The following EFCAB11 variants were observed in gnomAD, a reference collection of about 807,000 sequenced individuals.
EFCAB11 encodes the protein EF-hand calcium binding domain 11.
A neutral mutation model predicts 23.0 loss-of-function variants in EFCAB11; 14 were observed. The observed-to-expected ratio is 0.61, with a 90% CI of 0.40 to 0.95. The LOEUF (loss-of-function observed/expected upper bound fraction) is 0.95, where lower values mean the gene tolerates loss of function less well. Ranked by LOEUF, EFCAB11 falls within the 40% of genes least tolerant of loss-of-function variation. The pLI is 0.00. For synonymous variants in EFCAB11, 65 were observed against 66.6 expected, an observed-to-expected ratio of 0.98 and a Z score of 0.11; for missense variants, 198 against 195.8, an observed-to-expected ratio of 1.01 and a Z score of -0.07.
chr14:89,869,104 G>A (rs1393242036), intron 5 of EFCAB11, among the ~76,000 whole-genome samples: 1 of 152,132 alleles, frequency 6.6e-6, no homozygotes, highest in Non-Finnish European at 1.5e-5. Context: ...TTGGAAGGCT[G>A]AAGCAGGAAG....
intron 5 of EFCAB11, among the ~76,000 whole-genome samples, chr14:89,801,174 G>A (rs1335023980): frequency 6.6e-6 from 1 of 152,096 alleles, no homozygotes; most frequent in Non-Finnish European, 1.5e-5. Context: ...TATAAGAACA[G>A]TCATGAAATT....
chr14:89,805,160 C>A (rs1885925621), intron 5 of EFCAB11, among the ~76,000 whole-genome samples: 1 of 152,208 alleles, frequency 6.6e-6, no homozygotes. Context: ...AGCCTACTAG[C>A]CTAACAATTC....
At chr14:89,836,434 C>T (rs1887080919) in intron 5 of EFCAB11, 1 of 384,618 alleles carries the variant, frequency 2.6e-6, no homozygotes. Flanking sequence ...CCTTTGCAGG[C>T]CTCTTCCTGA....
At chr14:89,941,205 C>T (rs1163225177) in intron 3 of EFCAB11, among the ~76,000 whole-genome samples, 1 of 152,212 alleles carries the variant, frequency 6.6e-6, no homozygotes, top group Non-Finnish European at 1.5e-5. Flanking sequence ...ACCCTGACTG[C>T]AGCTGTGCTT....
intron 5 of EFCAB11, among the ~76,000 whole-genome samples, chr14:89,919,422 G>A (rs1361219887): frequency 6.6e-6 from 1 of 152,160 alleles, no homozygotes; most frequent in Non-Finnish European, 1.5e-5. Context: ...GTGAAGATAA[G>A]GAGGAAAAAG....
At chr14:89,936,272 CAAGGAAAAA>C (rs1176015687) in intron 3 of EFCAB11, among the ~76,000 whole-genome samples, 1 of 151,910 alleles carries the variant, frequency 6.6e-6, no homozygotes, top group East Asian at 1.9e-4. Flanking sequence ...GTGTAATTCA[CAAGGAAAAA>C]AAAGGACCTG....
chr14:89,870,976 C>T (rs148565364), intron 5 of EFCAB11, among the ~76,000 whole-genome samples: 32 of 152,126 alleles, frequency 2.1e-4, no homozygotes, highest in African/African-American at 7.0e-4. Context: ...ACATAGCTCC[C>T]GCTGTGTTCC....
chr14:89,837,981 A>C (rs1463271920), intron 5 of EFCAB11, among the ~76,000 whole-genome samples: 1 of 152,190 alleles, frequency 6.6e-6, no homozygotes, highest in African/African-American at 2.4e-5. Flanking sequence ...TGGGCATAGA[A>C]ATCACTTCCC....
chr14:89,919,204 CAG>C (rs61549850), intron 5 of EFCAB11, among the ~76,000 whole-genome samples: 232 of 146,614 alleles, frequency 1.6e-3, no homozygotes, highest in Non-Finnish European at 1.4e-3. Context: ...GAGAGAGAGA[CAG>C]AGAGAGAGAG....
chr14:89,951,037 C>T (rs1891146770), intron 2 of EFCAB11, among the ~76,000 whole-genome samples: 1 of 151,590 alleles, frequency 6.6e-6, no homozygotes, highest in African/African-American at 2.4e-5. Context: ...CCAAGTCTAT[C>T]TCCAGCCCTA....
intron 5 of EFCAB11, among the ~76,000 whole-genome samples, chr14:89,929,695 C>T (rs760992104): frequency 6.6e-6 from 1 of 152,122 alleles, no homozygotes. Flanking sequence ...CAGGACATTC[C>T]ATTTTAAACA....
In EFCAB11 at chr14:89,954,017, T is replaced by C. The variant is rs1379653624; in HGVS notation, c.76-16A>G. 10 of 1,594,730 alleles carry C rather than the reference T, an allele frequency of 6.3e-6. No homozygotes were observed. The highest frequency in any genetic ancestry group is 8.6e-6 in the Non-Finnish European group (10 of 1,165,204). Reference sequence around the variant, plus strand: ...CTTTAAATACCTGAAGAACATTAAATAGCTTTAGTTAATGAGACAGAAATG... The same window carrying C: ...CTTTAAATACCTGAAGAACATTAAACAGCTTTAGTTAATGAGACAGAAATG... On this transcript the variant is annotated splice_polypyrimidine_tract_variant and intron_variant, in intron 1 of 5. Coordinates refer to ENST00000316738, the MANE Select transcript of EFCAB11 (RefSeq NM_145231.4).
In EFCAB11 at chr14:89,796,720, A is replaced by C. The variant is rs1596368779; in HGVS notation, c.*523T>G. On this transcript the variant is annotated 3_prime_UTR_variant, in exon 6 of 6. Coordinates refer to ENST00000316738, the MANE Select transcript of EFCAB11 (RefSeq NM_145231.4). ...TCAACCAATGTTGAGCAAATGAAGG[A>C]AACTGGCACCATTGGCAGGAAAAGT... 1.3e-5 allele frequency: 2 copies of C among 152,930 alleles called. No individual in the cohort carries two copies. The highest frequency in any genetic ancestry group is 1.3e-4 in the Admixed American group (2 of 15,388). The allele number at this position is 152,930 out of a possible 1,614,324, so 9.5% of individuals were successfully genotyped here.
chr14:89,800,188 TAAACAAAC>T (rs55693480), intron 5 of EFCAB11, among the ~76,000 whole-genome samples: 28,234 of 149,914 alleles, frequency 0.19, 2,969 homozygotes, highest in Non-Finnish European at 0.24. Context: ...CTCAATCTCG[TAAACAAAC>T]AAACAAACAA....
chr14:89,855,150 T>A (rs1324607207), intron 5 of EFCAB11, among the ~76,000 whole-genome samples: 1 of 151,874 alleles, frequency 6.6e-6, no homozygotes. Context: ...AGTTCTTTTG[T>A]AGCCTGAATA....
At chr14:89,892,013 C>A in intron 5 of EFCAB11, 1 of 1,523,336 alleles carries the variant, frequency 6.6e-7, no homozygotes. Flanking sequence ...GGGCCACGAG[C>A]GCTTCAGCTG....
intron 5 of EFCAB11, among the ~76,000 whole-genome samples, chr14:89,857,384 T>C (rs1396479419): frequency 1.3e-5 from 2 of 152,218 alleles, no homozygotes; most frequent in Admixed American, 1.3e-4. Flanking sequence ...GGATGAAGAA[T>C]TGAAAGAAAA....
At chr14:89,846,202 A>G (rs965246923) in intron 5 of EFCAB11, among the ~76,000 whole-genome samples, 1 of 152,238 alleles carries the variant, frequency 6.6e-6, no homozygotes, top group Non-Finnish European at 1.5e-5. Flanking sequence ...TATTATTAGC[A>G]TTATGCTTCT....
chr14:89,845,482 G>A (rs1184461659), intron 5 of EFCAB11, among the ~76,000 whole-genome samples: 4 of 152,076 alleles, frequency 2.6e-5, no homozygotes, highest in South Asian at 2.1e-4. Context: ...AGATTTCGAC[G>A]TCAGCACAGC....
Sources: gnomAD v4.1 joint callset for allele counts (sites outside exome capture counted in the v4.1 genomes callset) on GRCh38, gnomAD v4.1.1 for gene constraint, MANE v1.5 for transcripts, NCBI Gene and HGNC (gene_info 2026-07-23, HGNC 2026-07-21) for gene names.